Variants in GALNT13 observed in about 807,000 individuals in gnomAD.
GALNT13 encodes polypeptide N-acetylgalactosaminyltransferase 13.
Under a neutral mutation model 64.2 loss-of-function variants are expected in GALNT13, and 28 were observed. The observed-to-expected ratio is 0.44, with a 90% CI of 0.32 to 0.60. GALNT13 has a LOEUF of 0.60. Among genes scored for constraint, GALNT13 ranks in the 20% least tolerant of loss-of-function variants. GALNT13 has a pLI of 0.05. For missense variants in GALNT13, 577 were observed against 669.8 expected (o/e 0.86, Z 1.53); for synonymous variants, 214 against 224.6 (o/e 0.95, Z 0.42).
chr2:153,403,711 C>T, the GALNT13 span, among the ~76,000 whole-genome samples: 1 of 152,196 alleles, frequency 6.6e-6, no homozygotes, highest in African/African-American at 2.4e-5. Flanking sequence ...TCCGTCACCC[C>T]TTTTTTTGAC....
intron 3 of GALNT13, among the ~76,000 whole-genome samples, chr2:153,982,040 T>C (rs1401527022): frequency 3.9e-5 from 6 of 152,104 alleles, no homozygotes; most frequent in Non-Finnish European, 1.5e-5. Flanking sequence ...TGCTAGAAAC[T>C]GAAAGGTAAT....
chr2:154,452,519 T>C lies in GALNT13; in HGVS notation c.*1968T>C, dbSNP rs1382893470. ...GTATACCATATGTTCCACTTATTGCTTTGTTAGTCAAAATGCATGTTATGT... is the reference window on the plus strand; with the variant it reads ...GTATACCATATGTTCCACTTATTGCCTTGTTAGTCAAAATGCATGTTATGT... On this transcript the variant is annotated 3_prime_UTR_variant, in exon 13 of 13. Coordinates refer to ENST00000392825, the MANE Select transcript of GALNT13 (RefSeq NM_052917.4). 2.0e-5 allele frequency: 3 copies of C among 152,186 alleles called. No individual in the cohort carries two copies. The highest frequency in any genetic ancestry group is 7.2e-5 in the African/African-American group (3 of 41,462). 9.4% of individuals were successfully genotyped at this position (152,186 alleles called of 1,614,324 possible). A position where few individuals can be genotyped will look rare whatever the true frequency, so the allele number is the denominator to read the frequency against.
At chr2:153,994,439 G>A (rs914404817) in intron 3 of GALNT13, among the ~76,000 whole-genome samples, 2 of 152,162 alleles carry the variant, frequency 1.3e-5, no homozygotes, top group African/African-American at 4.8e-5. Context: ...CCCAGTAATG[G>A]GATGGCTGGG....
intron 4 of GALNT13, among the ~76,000 whole-genome samples, chr2:154,198,990 A>G: frequency 6.6e-6 from 1 of 152,200 alleles, no homozygotes; most frequent in South Asian, 2.1e-4. Context: ...GACTTTTCCA[A>G]CAAAAATATA....
the GALNT13 span, among the ~76,000 whole-genome samples, chr2:153,074,189 T>A: frequency 6.6e-6 from 1 of 152,210 alleles, no homozygotes; most frequent in Admixed American, 6.5e-5. Context: ...TCATTCCTTA[T>A]TTATTTGCTA....
chr2:154,097,018 GTAAA>G (rs34441612), intron 3 of GALNT13, among the ~76,000 whole-genome samples: 114,118 of 151,226 alleles, frequency 0.75, 43,417 homozygotes, highest in East Asian at 0.96. Context: ...AAGTAAGTAA[GTAAA>G]TAAATAAATA....
At chr2:154,150,910 T>C (rs975065064) in intron 4 of GALNT13, among the ~76,000 whole-genome samples, 34 of 152,294 alleles carry the variant, frequency 2.2e-4, no homozygotes, top group Admixed American at 9.2e-4. Flanking sequence ...TTTGAAGGGT[T>C]TTTTGTGTCT....
At chr2:154,020,570 G>C (rs1296981655) in intron 3 of GALNT13, among the ~76,000 whole-genome samples, 11 of 151,904 alleles carry the variant, frequency 7.2e-5, no homozygotes, top group South Asian at 6.3e-4. Flanking sequence ...TTGTAAATTT[G>C]TTTGAGTTCA....
the GALNT13 span, among the ~76,000 whole-genome samples, chr2:153,369,363 CA>C: frequency 6.6e-6 from 1 of 151,604 alleles, no homozygotes; most frequent in Non-Finnish European, 1.5e-5. Context: ...TCGATGAAAC[CA>C]AAAGTTTGTT....
At chr2:153,497,529 T>TA in the GALNT13 span, among the ~76,000 whole-genome samples, 4 of 97,256 alleles carry the variant, frequency 4.1e-5, no homozygotes, top group African/African-American at 4.6e-5. Context: ...CGCATTTTTT[T>TA]TTTTTTTTTT....
At chr2:154,006,928 A>G (rs574175172) in intron 3 of GALNT13, among the ~76,000 whole-genome samples, 3 of 152,298 alleles carry the variant, frequency 2.0e-5, no homozygotes, top group Admixed American at 2.0e-4. Flanking sequence ...CCCTTTGAGT[A>G]TGAGAGGACC....
At chr2:153,610,429 C>G in the GALNT13 span, among the ~76,000 whole-genome samples, 1 of 152,116 alleles carries the variant, frequency 6.6e-6, no homozygotes, top group Non-Finnish European at 1.5e-5. Context: ...AATCCCAGCA[C>G]TTTGGGAGGC....
At chr2:153,219,503 G>C in the GALNT13 span, among the ~76,000 whole-genome samples, 1 of 152,208 alleles carries the variant, frequency 6.6e-6, no homozygotes, top group Non-Finnish European at 1.5e-5. Context: ...AAGGATTTTA[G>C]AATTGCCTCT....
the GALNT13 span, chr2:153,421,428 G>A: frequency 4.4e-5 from 10 of 225,012 alleles, no homozygotes; most frequent in Non-Finnish European, 8.1e-5. Flanking sequence ...TACTGGTGGT[G>A]GAATGGAGTT....
the GALNT13 span, among the ~76,000 whole-genome samples, chr2:153,830,876 A>T: frequency 6.6e-6 from 1 of 152,122 alleles, no homozygotes; most frequent in Non-Finnish European, 1.5e-5. Context: ...TTCTTTCCTC[A>T]TGCTGAATCC....
chr2:153,292,671 G>A, the GALNT13 span, among the ~76,000 whole-genome samples: 1 of 152,130 alleles, frequency 6.6e-6, no homozygotes, highest in African/African-American at 2.4e-5. Flanking sequence ...AAAGCAAAGA[G>A]ACAGTTTAAG....
intron 11 of GALNT13, chr2:154,409,299 A>G (rs934421048): frequency 3.7e-6 from 2 of 539,080 alleles, no homozygotes. Flanking sequence ...CAGTGTGCCT[A>G]CAGTTAATGA....
intron 2 of GALNT13, among the ~76,000 whole-genome samples, chr2:153,913,745 T>A (rs560993861): frequency 6.6e-6 from 1 of 152,176 alleles, no homozygotes; most frequent in South Asian, 2.1e-4. Flanking sequence ...TGAACGGCAG[T>A]CCCATGCAGG....
At chr2:153,692,795 A>C in the GALNT13 span, among the ~76,000 whole-genome samples, 1 of 152,228 alleles carries the variant, frequency 6.6e-6, no homozygotes, top group African/African-American at 2.4e-5. Context: ...TATTGATGTT[A>C]TTTTGTTATT....
Sources: allele counts gnomAD v4.1 joint callset (sites outside exome capture counted in the v4.1 genomes callset), GRCh38; gene constraint gnomAD v4.1.1; transcripts MANE v1.5; gene names NCBI Gene and HGNC (gene_info 2026-07-23, HGNC 2026-07-21).